SLC41A2: variants seen among roughly 807,000 people sequenced by gnomAD.
SLC41A2 encodes the protein SLC41A1-like 1.
Under a neutral mutation model 58.3 loss-of-function variants are expected in SLC41A2, and 32 were observed. The observed-to-expected ratio is 0.55, with a 90% CI of 0.41 to 0.74. The LOEUF (loss-of-function observed/expected upper bound fraction) is 0.74. Among genes scored for constraint, SLC41A2 ranks in the 30% least tolerant of loss-of-function variants. The pLI is 0.00. For missense variants in SLC41A2, 514 were observed against 680.6 expected (o/e 0.76, Z 2.72); for synonymous variants, 190 against 235.0 (o/e 0.81, Z 1.75).
intron 6 of SLC41A2, among the ~76,000 whole-genome samples, chr12:104,884,772 C>T (rs559020756): frequency 6.6e-6 from 1 of 152,304 alleles, no homozygotes; most frequent in African/African-American, 2.4e-5. Context: ...GTGACAGTCT[C>T]TCTTCACCAA....
At chr12:104,882,173 G>A (rs61938784) in intron 6 of SLC41A2, among the ~76,000 whole-genome samples, 1 of 151,700 alleles carries the variant, frequency 6.6e-6, no homozygotes, top group Non-Finnish European at 1.5e-5. Context: ...TTGCTTGATA[G>A]ATCTTCCTCC....
At chr12:104,817,162 G>T (rs751284385) in intron 10 of SLC41A2, among the ~76,000 whole-genome samples, 1 of 152,160 alleles carries the variant, frequency 6.6e-6, no homozygotes, top group Non-Finnish European at 1.5e-5. Context: ...AACTGTAACA[G>T]AACCAGAAGT....
chr12:104,836,291 G>C (rs927620937), intron 10 of SLC41A2, among the ~76,000 whole-genome samples: 9 of 152,182 alleles, frequency 5.9e-5, no homozygotes, highest in African/African-American at 2.2e-4. Flanking sequence ...TCCTTACTGG[G>C]CTGTTGTGAG....
intron 8 of SLC41A2, among the ~76,000 whole-genome samples, chr12:104,847,366 G>A (rs902742345): frequency 4.6e-5 from 7 of 151,988 alleles, no homozygotes; most frequent in African/African-American, 1.7e-4. Context: ...CACTTTGGGG[G>A]GCCGAGGTGG....
chr12:104,925,594 C>T (rs115350436), intron 2 of SLC41A2, among the ~76,000 whole-genome samples: 2,147 of 152,038 alleles, frequency 0.014, 14 homozygotes, highest in Middle Eastern at 0.02. Flanking sequence ...TACGTTTCTA[C>T]AATGTTTAAC....
intron 6 of SLC41A2, among the ~76,000 whole-genome samples, chr12:104,882,921 C>G (rs908147252): frequency 6.6e-6 from 1 of 152,222 alleles, no homozygotes; most frequent in Non-Finnish European, 1.5e-5. Context: ...TGTTTTCCAA[C>G]TTGGTTCCAT....
chr12:104,918,171 A>T (rs146175978), intron 2 of SLC41A2, among the ~76,000 whole-genome samples: 4 of 152,122 alleles, frequency 2.6e-5, no homozygotes, highest in African/African-American at 9.6e-5. Flanking sequence ...GTATAAGGAC[A>T]TAGGCACTCT....
chr12:104,882,876 G>A (rs1398458120), intron 6 of SLC41A2, among the ~76,000 whole-genome samples: 1 of 152,154 alleles, frequency 6.6e-6, no homozygotes, highest in Non-Finnish European at 1.5e-5. Context: ...GTCTTGCTAG[G>A]TTGGGGAAGT....
chr12:104,867,522 T>C (rs2043526206), intron 6 of SLC41A2, among the ~76,000 whole-genome samples: 1 of 151,928 alleles, frequency 6.6e-6, no homozygotes, highest in African/African-American at 2.4e-5. Context: ...CCAACTCTTA[T>C]CTTTGACTGA....
chr12:104,914,022 A>T (rs953744267), intron 2 of SLC41A2, among the ~76,000 whole-genome samples: 8 of 152,118 alleles, frequency 5.3e-5, no homozygotes, highest in Non-Finnish European at 1.0e-4. Context: ...AGACGGCGCC[A>T]TTGCATTCCA....
At chr12:104,879,592 G>A (rs1020387544) in intron 6 of SLC41A2, among the ~76,000 whole-genome samples, 18 of 152,290 alleles carry the variant, frequency 1.2e-4, no homozygotes, top group Admixed American at 5.9e-4. Context: ...GTTTGTCAAA[G>A]ATCAGATGCT....
intron 1 of SLC41A2, among the ~76,000 whole-genome samples, chr12:104,952,563 T>C (rs1565927247): frequency 6.6e-6 from 1 of 152,200 alleles, no homozygotes; most frequent in Non-Finnish European, 1.5e-5. Flanking sequence ...AACTTTTCAA[T>C]GATTTGTCAT....
chr12:104,929,753 T>C (rs1399672080), intron 1 of SLC41A2, among the ~76,000 whole-genome samples: 1 of 152,250 alleles, frequency 6.6e-6, no homozygotes, highest in Non-Finnish European at 1.5e-5. Flanking sequence ...ATGGCACTGA[T>C]TTGATAAGGG....
intron 9 of SLC41A2, among the ~76,000 whole-genome samples, chr12:104,844,972 C>CA (rs1391292398): frequency 1.1e-5 from 1 of 88,636 alleles, no homozygotes; most frequent in East Asian, 3.3e-4. Context: ...AAAGGGTAGC[C>CA]ATTCTGATCT....
At chr12:104,821,403 T>C (rs1222665981) in intron 10 of SLC41A2, among the ~76,000 whole-genome samples, 2 of 152,150 alleles carry the variant, frequency 1.3e-5, no homozygotes, top group Admixed American at 1.3e-4. Context: ...ATTCATAACC[T>C]TGATTTTTAA....
intron 2 of SLC41A2, among the ~76,000 whole-genome samples, chr12:104,927,041 G>A (rs2135879240): frequency 6.6e-6 from 1 of 152,260 alleles, no homozygotes; most frequent in African/African-American, 2.4e-5. Context: ...CTAGGCCACA[G>A]AGCGAGACCC....
At chr12:104,818,321 T>C (rs2041495482) in intron 10 of SLC41A2, among the ~76,000 whole-genome samples, 1 of 152,114 alleles carries the variant, frequency 6.6e-6, no homozygotes, top group Non-Finnish European at 1.5e-5. Flanking sequence ...ATGAACAAAT[T>C]AGTTAGAAAA....
At chr12:104,918,628 G>GGA (rs1555214371) in intron 2 of SLC41A2, among the ~76,000 whole-genome samples, 2 of 111,494 alleles carry the variant, frequency 1.8e-5, no homozygotes, top group Non-Finnish European at 3.6e-5. Context: ...GGAGATACAT[G>GGA]AAAAAAAAAA....
intron 10 of SLC41A2, among the ~76,000 whole-genome samples, chr12:104,834,460 C>T (rs569563028): frequency 6.6e-6 from 1 of 152,240 alleles, no homozygotes; most frequent in South Asian, 2.1e-4. Flanking sequence ...ACTTCTCCTT[C>T]AACCCAAGCT....
Sources: gnomAD v4.1 joint callset for allele counts (sites outside exome capture counted in the v4.1 genomes callset) on GRCh38, gnomAD v4.1.1 for gene constraint, MANE v1.5 for transcripts, NCBI Gene and HGNC (gene_info 2026-07-23, HGNC 2026-07-21) for gene names.